The following G3BP1 variants were observed in gnomAD, a reference collection of about 807,000 sequenced individuals.
The protein encoded by G3BP1 is G3BP stress granule assembly factor 1, also known as ras GTPase-activating protein-binding protein 1.
In G3BP1, 35 loss-of-function variants were observed where a neutral mutation model predicts 58.6. The ratio of observed to expected loss-of-function variants is 0.60; its 90% CI spans 0.46 to 0.79. G3BP1 has a LOEUF of 0.79. Among genes scored for constraint, G3BP1 ranks in the 30% least tolerant of loss-of-function variants. The pLI is 0.00. For synonymous variants in G3BP1, 191 were observed against 195.4 expected (o/e 0.98, Z 0.19); for missense variants, 523 against 580.8 (o/e 0.90, Z 1.02).
intron 1 of G3BP1, among the ~76,000 whole-genome samples, chr5:151,784,800 T>C (rs574369693): frequency 1.1e-4 from 16 of 152,282 alleles, no homozygotes; most frequent in Non-Finnish European, 7.3e-5. Flanking sequence ...TTATTATCAA[T>C]AGATAATATA....
At chr5:151,801,736 T>G (rs1762853591) in intron 11 of G3BP1, among the ~76,000 whole-genome samples, 1 of 152,192 alleles carries the variant, frequency 6.6e-6, no homozygotes, top group Non-Finnish European at 1.5e-5. Context: ...ATTGTGTACT[T>G]TAAACCATAT....
At chr5:151,774,669 T>C (rs894199776) in intron 1 of G3BP1, among the ~76,000 whole-genome samples, 13 of 151,686 alleles carry the variant, frequency 8.6e-5, no homozygotes, top group African/African-American at 2.9e-4. Context: ...GACGAAACTA[T>C]TACTGACTTT....
chr5:151,797,276 G>A lies in G3BP1; in HGVS notation c.589G>A (p.Asp197Asn). ...LEEPVAEPEP[D>N]PEPEPEQEPV... ...GGAGCCTGTTGCTGAACCAGAGCCT[G>A]ATCCTGAACCAGAACCAGAACAAGA... The change falls in exon 7 of 12, where the codon GAT becomes AAT. Residue 197 changes from aspartate (D) to asparagine (N), a missense_variant. This residue lies in a region of G3BP1 where 398 missense variants were observed against 399.1 expected (regional missense o/e 1.00). Transcript: ENST00000356245. The A allele has an allele frequency of 6.2e-7, 1 of 1,612,960 alleles. No homozygotes were observed. The highest frequency in any genetic ancestry group is 8.5e-7 in the Non-Finnish European group (1 of 1,178,998).
intron 11 of G3BP1, among the ~76,000 whole-genome samples, chr5:151,802,186 A>G (rs1561538035): frequency 6.6e-6 from 1 of 152,180 alleles, no homozygotes; most frequent in Non-Finnish European, 1.5e-5. Flanking sequence ...TATCTTTCAA[A>G]TTATTTGACC....
intron 1 of G3BP1, among the ~76,000 whole-genome samples, chr5:151,780,765 G>C (rs1157595366): frequency 6.6e-6 from 1 of 152,112 alleles, no homozygotes; most frequent in African/African-American, 2.4e-5. Context: ...GCCCACCTTG[G>C]CTTCCTAAAG....
At chr5:151,788,244 A>G (rs1056782380) in intron 2 of G3BP1, among the ~76,000 whole-genome samples, 5 of 151,728 alleles carry the variant, frequency 3.3e-5, no homozygotes, top group African/African-American at 1.2e-4. Context: ...ATTTTTTCTC[A>G]TTTCCTCCTG....
chr5:151,803,539 C>G (rs906396905), intron 11 of G3BP1, among the ~76,000 whole-genome samples: 4 of 151,988 alleles, frequency 2.6e-5, no homozygotes, highest in African/African-American at 9.7e-5. Context: ...TTTTCCCAGA[C>G]TGGAGTACAA....
In G3BP1 at chr5:151,812,044, G is replaced by A. The variant is rs560532759; in HGVS notation, c.*7953G>A. Reference sequence around the variant, plus strand: ...ATGTGAGCTTGTGACTTCTGGTCTGGCGTGAAAGTATGAATCATCTTGAAC... The same window carrying A: ...ATGTGAGCTTGTGACTTCTGGTCTGACGTGAAAGTATGAATCATCTTGAAC... On this transcript the variant is annotated 3_prime_UTR_variant, in exon 12 of 12. Coordinates refer to ENST00000356245, the MANE Select transcript of G3BP1 (RefSeq NM_005754.3). The A allele has an allele frequency of 6.6e-6, 1 of 152,288 alleles. No individual in the cohort carries two copies. Among genetic ancestry groups the A allele is most frequent in the South Asian group, 2.1e-4 (1 of 4,826 alleles). The allele number at this position is 152,288 out of a possible 1,614,324, so 9.4% of individuals were successfully genotyped here. A position where few individuals can be genotyped will look rare whatever the true frequency, so the allele number is the denominator to read the frequency against.
At chr5:151,794,774 A>G (rs1014042970) in intron 5 of G3BP1, among the ~76,000 whole-genome samples, 1 of 152,280 alleles carries the variant, frequency 6.6e-6, no homozygotes, top group Non-Finnish European at 1.5e-5. Context: ...TCTCCAAAAT[A>G]GTAGAATTGA....
At chr5:151,773,716 G>A (rs1762318104) in intron 1 of G3BP1, among the ~76,000 whole-genome samples, 1 of 152,060 alleles carries the variant, frequency 6.6e-6, no homozygotes, top group East Asian at 1.9e-4. Flanking sequence ...CATTTACTTG[G>A]AACTTTGCTG....
rs768815353 is a variant in G3BP1, at chr5:151,803,883, A to C, written c.1195-2A>C. 6.2e-7 allele frequency: 1 copy of C among 1,606,386 alleles called. No individual in the cohort carries two copies. Among genetic ancestry groups the C allele is most frequent in the Non-Finnish European group, 8.5e-7 (1 of 1,173,304 alleles). ...TAAGTCTGGTCACCTTGATTCTTAC[A>C]GCCCATCATGTTCAGAGGTGAGGTC... On this transcript the variant is annotated splice_acceptor_variant, in intron 11 of 11. Coordinates refer to ENST00000356245, the MANE Select transcript of G3BP1 (RefSeq NM_005754.3). LOFTEE classifies it high-confidence loss of function.
At chr5:151,792,211 C>A in intron 4 of G3BP1, 2 of 422,876 alleles carry the variant, frequency 4.7e-6, no homozygotes, top group South Asian at 1.7e-5. Flanking sequence ...GGTTAGGAAT[C>A]CTGTCTGCTT....
chr5:151,790,177 G>C, intron 2 of G3BP1, 146 bp from the exon 3 acceptor site: 1 of 445,592 alleles, frequency 2.2e-6, no homozygotes, highest in East Asian at 4.5e-5. Flanking sequence ...GCTGCAATGA[G>C]CTATGATTGC....
rs534678285 is a variant in G3BP1 at position 151,801,232 on chromosome 5, A to T, written c.1194+363A>T. ...AGATAAGAGCCAGTTTGCCCAGGAC[A>T]GTTTTGGTATACTGCTGTTTTTAGA... On this transcript the variant is annotated intron_variant, in intron 11 of 11. Coordinates refer to ENST00000356245, the MANE Select transcript of G3BP1 (RefSeq NM_005754.3). Among the ~76,000 whole-genome samples the T allele has an allele frequency of 2.0e-5, 3 of 152,316 alleles. No individual in the cohort carries two copies. The East Asian group carries it at 5.8e-4, about 29-fold the overall frequency.
chr5:151,780,353 T>C (rs1308165393), intron 1 of G3BP1, among the ~76,000 whole-genome samples: 1 of 152,208 alleles, frequency 6.6e-6, no homozygotes, highest in Non-Finnish European at 1.5e-5. Flanking sequence ...TATATTTTCT[T>C]ACTATAAAAC....
At chr5:151,787,674 A>T (rs1454519423) in intron 2 of G3BP1, 1 of 210,406 alleles carries the variant, frequency 4.8e-6, no homozygotes, top group African/African-American at 2.4e-5. Flanking sequence ...AAAACTGTCT[A>T]TTTATGTGGA....
rs1762990252 is a variant in G3BP1, at chr5:151,809,749, C to G, written c.*5658C>G. 1 of 152,046 alleles carries G rather than the reference C, an allele frequency of 6.6e-6. No individual in the cohort carries two copies. The highest frequency in any genetic ancestry group is 1.9e-4 in the East Asian group (1 of 5,180). 9.4% of individuals were successfully genotyped at this position (152,046 alleles called of 1,614,324 possible). A position where few individuals can be genotyped will look rare whatever the true frequency, so the allele number is the denominator to read the frequency against. On this transcript the variant is annotated 3_prime_UTR_variant, in exon 12 of 12. Coordinates refer to ENST00000356245, the MANE Select transcript of G3BP1 (RefSeq NM_005754.3). ...TTAGATTCACTGTAGGAAGGGCAGC[C>G]CTGTTAAAGTTTGTCAGGAGAAAAA...
rs369422713 is a variant in G3BP1, at chr5:151,804,001, G to A, written c.1311G>A (p.Gly437=). 15 of 1,613,704 alleles carry A rather than the reference G, an allele frequency of 9.3e-6. No homozygotes were observed. Among genetic ancestry groups the A allele is most frequent in the Admixed American group, 1.7e-5 (1 of 59,964 alleles). Reference sequence around the variant, plus strand: ...GGGGACCTGGAGGCCCTCGAGGTGGGCTGGGTGGTGGAATGAGAGGCCCTC... The same window carrying A: ...GGGGACCTGGAGGCCCTCGAGGTGGACTGGGTGGTGGAATGAGAGGCCCTC... ...RLRGPGGPRG[G]LGGGMRGPPR... Residue 437 remains glycine, a synonymous_variant, in exon 12 of 12, where the codon GGG becomes GGA. Transcript: ENST00000356245.
In G3BP1 at chr5:151,812,029, G is replaced by A. The variant is rs1275882627; in HGVS notation, c.*7938G>A. On this transcript the variant is annotated 3_prime_UTR_variant, in exon 12 of 12. Coordinates refer to ENST00000356245, the MANE Select transcript of G3BP1 (RefSeq NM_005754.3). Reference sequence around the variant, plus strand: ...GTCAGAGTTGCCGCTATGTGAGCTTGTGACTTCTGGTCTGGCGTGAAAGTA... The same window carrying A: ...GTCAGAGTTGCCGCTATGTGAGCTTATGACTTCTGGTCTGGCGTGAAAGTA... 2 of 152,200 alleles carry A rather than the reference G, an allele frequency of 1.3e-5. No individual in the cohort carries two copies. The highest frequency in any genetic ancestry group is 2.9e-5 in the Non-Finnish European group (2 of 68,044). 9.4% of individuals were successfully genotyped at this position (152,200 alleles called of 1,614,324 possible). A position where few individuals can be genotyped will look rare whatever the true frequency, so the allele number is the denominator to read the frequency against.
Sources: allele counts gnomAD v4.1 joint callset (sites outside exome capture counted in the v4.1 genomes callset), GRCh38; gene constraint gnomAD v4.1.1; regional missense constraint gnomAD v4.1.1; transcripts MANE v1.5; gene names NCBI Gene and HGNC (gene_info 2026-07-23, HGNC 2026-07-21).